Variants in FGGY observed in about 807,000 individuals in gnomAD.
FGGY encodes the protein FGGY carbohydrate kinase domain containing.
In FGGY, 72 loss-of-function variants were observed where a neutral mutation model predicts 71.3. That is an observed-to-expected ratio of 1.01 (90% CI 0.84 to 1.23). FGGY has a LOEUF of 1.23. Ranked by LOEUF, FGGY falls within the 50% of genes most tolerant of loss-of-function variation. FGGY has a pLI of 0.00. For missense variants in FGGY, 668 were observed against 682.3 expected (o/e 0.98, Z 0.23); for synonymous variants, 251 against 250.3 (o/e 1.00, Z -0.02).
At chr1:59,507,091 C>T (rs1212895321) in intron 6 of FGGY, among the ~76,000 whole-genome samples, 1 of 152,132 alleles carries the variant, frequency 6.6e-6, no homozygotes, top group African/African-American at 2.4e-5. Flanking sequence ...GAGACTTTTG[C>T]TCAGCCACAT....
chr1:59,715,917 A>T (rs2097842931), intron 14 of FGGY, among the ~76,000 whole-genome samples: 1 of 152,206 alleles, frequency 6.6e-6, no homozygotes, highest in South Asian at 2.1e-4. Context: ...ATTCATTCAC[A>T]TAGACCCTAT....
At chr1:59,546,831 T>C (rs952793614) in intron 7 of FGGY, among the ~76,000 whole-genome samples, 19 of 150,620 alleles carry the variant, frequency 1.3e-4, no homozygotes, top group Admixed American at 2.6e-4. Context: ...AGGCGTGAGC[T>C]ACCACACCCA....
intron 14 of FGGY, among the ~76,000 whole-genome samples, chr1:59,691,586 C>T (rs974174961): frequency 5.3e-5 from 8 of 151,576 alleles, no homozygotes; most frequent in East Asian, 1.9e-4. Flanking sequence ...GAGGAGTCAA[C>T]GAGCTGGCCC....
chr1:59,669,903 T>C (rs1182418570), intron 13 of FGGY, among the ~76,000 whole-genome samples: 2 of 152,198 alleles, frequency 1.3e-5, no homozygotes, highest in Non-Finnish European at 2.9e-5. Flanking sequence ...CCTACATCCC[T>C]GGGCTGACTC....
chr1:59,376,465 G>C (rs903022788), intron 4 of FGGY, among the ~76,000 whole-genome samples: 2 of 152,162 alleles, frequency 1.3e-5, no homozygotes, highest in African/African-American at 4.8e-5. Context: ...AGTAGTGTTA[G>C]GGAAGCACTA....
chr1:59,629,161 C>T (rs538184156), intron 10 of FGGY, among the ~76,000 whole-genome samples: 1 of 152,106 alleles, frequency 6.6e-6, no homozygotes, highest in Admixed American at 6.5e-5. Context: ...CACATGTATA[C>T]ATATGTAACA....
intron 5 of FGGY, among the ~76,000 whole-genome samples, chr1:59,448,871 C>A (rs948823477): frequency 7.9e-5 from 12 of 152,062 alleles, no homozygotes; most frequent in African/African-American, 2.9e-4. Flanking sequence ...CCTGGTCTTC[C>A]CCACTCATAC....
At chr1:59,753,746 A>G (rs1362280737) in intron 14 of FGGY, among the ~76,000 whole-genome samples, 1 of 152,032 alleles carries the variant, frequency 6.6e-6, no homozygotes, top group East Asian at 1.9e-4. Context: ...ACAAAAAATT[A>G]TGTAGCACAA....
chr1:59,386,407 C>T (rs777532032), intron 5 of FGGY, among the ~76,000 whole-genome samples: 3 of 152,002 alleles, frequency 2.0e-5, no homozygotes, highest in Non-Finnish European at 2.9e-5. Flanking sequence ...CGGAGGAAGA[C>T]CATAGAGATA....
chr1:59,402,450 CA>C (rs1338190732), intron 5 of FGGY, among the ~76,000 whole-genome samples: 1 of 152,118 alleles, frequency 6.6e-6, no homozygotes, highest in Admixed American at 6.5e-5. Flanking sequence ...TAATTATCAG[CA>C]GTGTGATAGT....
intron 7 of FGGY, among the ~76,000 whole-genome samples, chr1:59,548,032 A>G (rs906862780): frequency 6.6e-6 from 1 of 152,188 alleles, no homozygotes; most frequent in African/African-American, 2.4e-5. Flanking sequence ...AGACACATAA[A>G]CTAAAGTTAC....
intron 5 of FGGY, among the ~76,000 whole-genome samples, chr1:59,451,360 A>G (rs1361920197): frequency 7.3e-6 from 1 of 137,068 alleles, no homozygotes; most frequent in Non-Finnish European, 1.5e-5. Context: ...ACTGTTACTA[A>G]GTTTTTTTTG....
At chr1:59,502,094 A>G (rs2094243688) in intron 6 of FGGY, among the ~76,000 whole-genome samples, 1 of 152,220 alleles carries the variant, frequency 6.6e-6, no homozygotes, top group Non-Finnish European at 1.5e-5. Context: ...TTTACAGGTG[A>G]GGAAACCGTT....
intron 9 of FGGY, among the ~76,000 whole-genome samples, chr1:59,625,456 C>G (rs946987473): frequency 1.3e-5 from 2 of 152,040 alleles, no homozygotes; most frequent in African/African-American, 4.8e-5. Context: ...TGGGGCATCT[C>G]AATTTTTTTT....
intron 8 of FGGY, among the ~76,000 whole-genome samples, chr1:59,576,646 T>C (rs1224640038): frequency 6.8e-6 from 1 of 147,320 alleles, no homozygotes; most frequent in African/African-American, 2.6e-5. Context: ...TGATATTTGC[T>C]AGAGATTACA....
intron 14 of FGGY, among the ~76,000 whole-genome samples, chr1:59,746,538 A>G (rs1350651200): frequency 6.6e-6 from 1 of 152,108 alleles, no homozygotes; most frequent in Non-Finnish European, 1.5e-5. Context: ...CCCAGGCTGG[A>G]GAGCAGTGGC....
chr1:59,420,176 T>C (rs1414925035), intron 5 of FGGY, among the ~76,000 whole-genome samples: 1 of 151,130 alleles, frequency 6.6e-6, no homozygotes, highest in African/African-American at 2.5e-5. Flanking sequence ...TGGAAATAAA[T>C]GAACATCTCA....
intron 5 of FGGY, among the ~76,000 whole-genome samples, chr1:59,431,400 A>G (rs1403581487): frequency 6.6e-6 from 1 of 151,786 alleles, no homozygotes; most frequent in African/African-American, 2.4e-5. Flanking sequence ...TTCTCTTTCA[A>G]CTCTGTATTT....
At chr1:59,522,215 G>A (rs891784071) in intron 7 of FGGY, among the ~76,000 whole-genome samples, 1 of 152,216 alleles carries the variant, frequency 6.6e-6, no homozygotes, top group African/African-American at 2.4e-5. Context: ...ATAAAGTTGG[G>A]TTCCTGGACC....
Sources: allele counts gnomAD v4.1 joint callset (sites outside exome capture counted in the v4.1 genomes callset), GRCh38; gene constraint gnomAD v4.1.1; transcripts MANE v1.5; gene names NCBI Gene and HGNC (gene_info 2026-07-23, HGNC 2026-07-21).